CLDN14: variants seen among roughly 807,000 people sequenced by gnomAD.
The protein encoded by CLDN14 is claudin 14.
A neutral mutation model predicts 2.1 loss-of-function variants in CLDN14; 2 were observed. The observed-to-expected ratio is 0.96, with a 90% CI of 0.39 to 3.01. CLDN14 has a LOEUF of 3.01. CLDN14 is among the 30% of genes most tolerant of loss of function. The pLI is 0.09. For synonymous variants in CLDN14, 136 were observed against 154.4 expected (o/e 0.88, Z 0.88); for missense variants, 298 against 328.0 (o/e 0.91, Z 0.71).
intron 2 of CLDN14, among the ~76,000 whole-genome samples, chr21:36,490,308 A>G (rs1223071821): frequency 6.6e-6 from 1 of 151,800 alleles, no homozygotes; most frequent in African/African-American, 2.4e-5. Context: ...GGCTTAAGAG[A>G]TCCTCCTGCC....
rs2087139945 is a variant in CLDN14 at position 36,507,059 on chromosome 21, GCTGCAGTGAGCTATGATCACACCACTGCA to G, written c.-82+3275_-82+3303del. The stretch of plus-strand genomic sequence containing the variant: ...GGCTGCTTGAGCCCAGGAGCTCGAG[GCTGCAGTGAGCTATGATCACACCACTGCA>G]CTCCAGCCTGGGCAACAGAATGAGA... On this transcript the variant is annotated intron_variant, in intron 2 of 2. Coordinates refer to the CLDN14 transcript ENST00000342108. 3.3e-5 allele frequency among the ~76,000 whole-genome samples: 5 copies of G among 151,976 alleles called. No individual in the cohort carries two copies. The South Asian group carries it at 1.0e-3, about 32-fold the overall frequency.
At chr21:36,514,981 A>C (rs1258226676) in intron 1 of CLDN14, among the ~76,000 whole-genome samples, 3 of 152,160 alleles carry the variant, frequency 2.0e-5, no homozygotes, top group Admixed American at 6.5e-5. Context: ...TAAATGCTCA[A>C]CTCAAATCTC....
At chr21:36,568,431 G>A (rs1021793976) in intron 1 of CLDN14, among the ~76,000 whole-genome samples, 2 of 152,226 alleles carry the variant, frequency 1.3e-5, no homozygotes, top group South Asian at 4.1e-4. Context: ...CCACCAGTGC[G>A]GCATCTTCTA....
chr21:36,517,747 G>A (rs1319507233), intron 1 of CLDN14, among the ~76,000 whole-genome samples: 1 of 152,196 alleles, frequency 6.6e-6, no homozygotes, highest in Non-Finnish European at 1.5e-5. Context: ...CTAGGCCATG[G>A]TGCTCAGATA....
In CLDN14 at chr21:36,499,745, C is replaced by CTAGCTA. The variant is rs1568860670; in HGVS notation, c.-82+10617_-82+10618insTAGCTA. On this transcript the variant is annotated intron_variant, in intron 2 of 2. Coordinates refer to the CLDN14 transcript ENST00000342108. The surrounding 1 kb of genome is among the most constrained non-coding windows in gnomAD (Gnocchi z 4.7). ...TTGGACTACAGAGCCAAAGACAAAT[C>CTAGCTA]GAGTGACGTATTCTAGCTCATGGAG... Among the ~76,000 whole-genome samples the CTAGCTA allele has an allele frequency of 6.6e-6, 1 of 152,122 alleles. No homozygotes were observed. The highest frequency in any genetic ancestry group is 2.4e-5 in the African/African-American group (1 of 41,426).
At position 36,461,397 on chromosome 21, in the gene CLDN14, A is replaced by G. The variant is rs557513586; in HGVS notation, c.299T>C (p.Ile100Thr). ...LSGIACACAVIGMKCTRCAKG... is the reference protein window; with the variant it reads ...LSGIACACAVTGMKCTRCAKG... ...GGCGCAGCGCGTGCACTTCATCCCG[A>G]TGACGGCGCAGGCGCAGGCTATGCC... is the stretch of plus-strand genomic sequence containing the variant. Residue 100 changes from isoleucine (I) to threonine (T), a missense_variant, in exon 2 of 2, where the codon ATC (isoleucine) becomes ACC (threonine). Transcript: ENST00000399135. 5.3e-5 allele frequency: 86 copies of G among 1,613,262 alleles called. 2 individuals carry two copies. In the South Asian group the frequency reaches 8.5e-4, roughly 16 times the overall value.
At chr21:36,561,884 C>T (rs1040886918) in intron 1 of CLDN14, among the ~76,000 whole-genome samples, 2 of 151,344 alleles carry the variant, frequency 1.3e-5, no homozygotes, top group African/African-American at 4.9e-5. Flanking sequence ...GTCCTTCAAG[C>T]CTGGCTCTTG....
At chr21:36,561,799 C>T (rs1214363806) in intron 1 of CLDN14, among the ~76,000 whole-genome samples, 1 of 152,150 alleles carries the variant, frequency 6.6e-6, no homozygotes, top group African/African-American at 2.4e-5. Flanking sequence ...CTACTTATGT[C>T]CCACAGTCTT....
intron 2 of CLDN14, among the ~76,000 whole-genome samples, chr21:36,507,741 G>A (rs763350491): frequency 6.6e-6 from 1 of 152,130 alleles, no homozygotes; most frequent in Non-Finnish European, 1.5e-5. Flanking sequence ...TCCAGCTTGG[G>A]TGACAGAGTG....
At chr21:36,560,883 T>C (rs944829130) in intron 1 of CLDN14, among the ~76,000 whole-genome samples, 5 of 152,226 alleles carry the variant, frequency 3.3e-5, no homozygotes, top group Non-Finnish European at 7.3e-5. Context: ...TCTCAAAGTA[T>C]CTGTGGTAAG....
chr21:36,525,940 GC>G (rs1471787640), intron 1 of CLDN14, among the ~76,000 whole-genome samples: 1 of 152,126 alleles, frequency 6.6e-6, no homozygotes, highest in Non-Finnish European at 1.5e-5. Context: ...AAAAAGCCTG[GC>G]CCCTGGACCA....
At chr21:36,518,258 CA>C (rs1481236928) in intron 1 of CLDN14, among the ~76,000 whole-genome samples, 1 of 152,136 alleles carries the variant, frequency 6.6e-6, no homozygotes, top group African/African-American at 2.4e-5. Flanking sequence ...CAGAACATTT[CA>C]AAAATAAGTT....
At chr21:36,476,886 G>A (rs1394545943) in intron 1 of CLDN14, among the ~76,000 whole-genome samples, 1 of 152,240 alleles carries the variant, frequency 6.6e-6, no homozygotes, top group Non-Finnish European at 1.5e-5. Context: ...AATTAATTGG[G>A]TCAGGTATGA....
chr21:36,482,372 G>A (rs1229310787), upstream of CLDN14, among the ~76,000 whole-genome samples: 1 of 89,488 alleles, frequency 1.1e-5, no homozygotes, highest in African/African-American at 5.7e-5. Context: ...ATAGACTGAC[G>A]GATGGATGGA....
chr21:36,542,120 A>G (rs2087494093), intron 1 of CLDN14, among the ~76,000 whole-genome samples: 1 of 152,072 alleles, frequency 6.6e-6, no homozygotes, highest in African/African-American at 2.4e-5. Context: ...CACCACCACC[A>G]TGTCCGGCTA....
intron 1 of CLDN14, among the ~76,000 whole-genome samples, chr21:36,566,048 T>C (rs2087670792): frequency 1.3e-5 from 2 of 152,246 alleles, no homozygotes; most frequent in Non-Finnish European, 2.9e-5. Context: ...TCTTATTTTT[T>C]ATCATATTAG....
intron 1 of CLDN14, among the ~76,000 whole-genome samples, chr21:36,515,228 G>A (rs559364584): frequency 2.0e-4 from 31 of 152,262 alleles, no homozygotes; most frequent in Non-Finnish European, 3.1e-4. Flanking sequence ...AAGAGTGAAC[G>A]CAGAGACTCA....
At chr21:36,528,484 C>G (rs1469736073) in intron 1 of CLDN14, among the ~76,000 whole-genome samples, 1 of 152,138 alleles carries the variant, frequency 6.6e-6, no homozygotes, top group Non-Finnish European at 1.5e-5. Flanking sequence ...TCCATTTTTT[C>G]CCTTCTCAGA....
intron 2 of CLDN14, among the ~76,000 whole-genome samples, chr21:36,509,310 A>G (rs958505228): frequency 3.3e-5 from 5 of 152,172 alleles, no homozygotes; most frequent in African/African-American, 1.2e-4. Context: ...CTGGGAATGG[A>G]AAGCAGGAGT....
Sources: gnomAD v4.1 joint callset for allele counts (sites outside exome capture counted in the v4.1 genomes callset) on GRCh38, gnomAD v4.1.1 for gene constraint, Gnocchi (gnomAD v3.1) non-coding constraint, MANE v1.5 for transcripts, NCBI Gene and HGNC (gene_info 2026-07-23, HGNC 2026-07-21) for gene names.